The following PLA2R1 variants were observed in gnomAD, a reference collection of about 807,000 sequenced individuals.
PLA2R1 encodes phospholipase A2 receptor 1.
In PLA2R1, 158 loss-of-function variants were observed where a neutral mutation model predicts 195.9. The ratio of observed to expected loss-of-function variants is 0.81; its 90% CI spans 0.71 to 0.92. The LOEUF is 0.92. PLA2R1 is among the 40% of genes least tolerant of loss of function. The probability of loss-of-function intolerance (pLI) is 0.00; values close to 1 mark genes in which losing one functional copy is unlikely to be tolerated. For synonymous variants in PLA2R1, 586 were observed against 598.2 expected (o/e 0.98, Z 0.30); for missense variants, 1,626 against 1,764.6 (o/e 0.92, Z 1.41).
intron 3 of PLA2R1, among the ~76,000 whole-genome samples, chr2:160,038,542 G>A (rs1203968878): frequency 1.3e-5 from 2 of 152,140 alleles, no homozygotes; most frequent in African/African-American, 2.4e-5. Context: ...CATCATCCTC[G>A]CGCATAGAAG....
intron 2 of PLA2R1, among the ~76,000 whole-genome samples, chr2:160,043,270 A>C (rs1194656198): frequency 6.6e-6 from 1 of 152,056 alleles, no homozygotes; most frequent in Non-Finnish European, 1.5e-5. Context: ...GCAAAGGGGC[A>C]AACAGCTGAC....
intron 1 of PLA2R1, among the ~76,000 whole-genome samples, chr2:160,052,711 T>C (rs1269663915): frequency 6.6e-6 from 1 of 152,102 alleles, no homozygotes; most frequent in Non-Finnish European, 1.5e-5. Flanking sequence ...TGCCTGCATA[T>C]TAAAGCCCAG....
At chr2:160,053,499 C>G (rs558991973) in intron 1 of PLA2R1, among the ~76,000 whole-genome samples, 1 of 152,248 alleles carries the variant, frequency 6.6e-6, no homozygotes, top group Admixed American at 6.5e-5. Context: ...CTCAGGCCCA[C>G]AGGAGATTGC....
At chr2:160,017,852 T>C (rs905518347) in intron 8 of PLA2R1, among the ~76,000 whole-genome samples, 2 of 152,170 alleles carry the variant, frequency 1.3e-5, no homozygotes, top group Non-Finnish European at 2.9e-5. Context: ...CGTCCAGGGC[T>C]GATACCTTCA....
chr2:160,040,182 T>C (rs1573955045), intron 3 of PLA2R1, among the ~76,000 whole-genome samples: 2 of 152,066 alleles, frequency 1.3e-5, no homozygotes, highest in Non-Finnish European at 2.9e-5. Context: ...TAGATTCAAA[T>C]AGAGAAGGCT....
At chr2:160,018,633 AAAACAAAC>A (rs59379239) in intron 8 of PLA2R1, among the ~76,000 whole-genome samples, 102,731 of 150,486 alleles carry the variant, frequency 0.68, 36,024 homozygotes, top group East Asian at 0.87. Context: ...CTCTGTCTCA[AAAACAAAC>A]AAACAAACAA....
chr2:160,041,523 A>C (rs966178177), intron 3 of PLA2R1, among the ~76,000 whole-genome samples: 2 of 152,220 alleles, frequency 1.3e-5, no homozygotes, highest in Non-Finnish European at 2.9e-5. Context: ...CAAGACGAGA[A>C]TCCACTGTCA....
intron 14 of PLA2R1, among the ~76,000 whole-genome samples, chr2:159,977,717 C>T (rs763631252): frequency 1.3e-5 from 2 of 152,124 alleles, no homozygotes; most frequent in Non-Finnish European, 2.9e-5. Context: ...GTGGGCAGAT[C>T]ACAAGCTCAG....
In PLA2R1 at chr2:159,956,198, C is replaced by T. The variant is rs529406503; in HGVS notation, c.3022+312G>A. Among the ~76,000 whole-genome samples the T allele has an allele frequency of 2.1e-3, 315 of 152,200 alleles. 1 individual carries two copies. Among genetic ancestry groups the T allele is most frequent in the Non-Finnish European group, 3.6e-3 (243 of 68,016 alleles). ...AATGTAAAGGGATCTAAAAATCATA[C>T]CATGCAATTACATGTAGATCATACT... is the stretch of plus-strand genomic sequence containing the variant. On this transcript the variant is annotated intron_variant, in intron 21 of 29. Coordinates refer to ENST00000283243, the MANE Select transcript of PLA2R1 (RefSeq NM_007366.5).
chr2:159,965,745 T>A (rs1560154635), intron 20 of PLA2R1, among the ~76,000 whole-genome samples: 1 of 152,200 alleles, frequency 6.6e-6, no homozygotes, highest in Non-Finnish European at 1.5e-5. Context: ...GCCGTACCAT[T>A]CTGCATTCCC....
chr2:160,033,687 A>G (rs1242953956), intron 3 of PLA2R1, among the ~76,000 whole-genome samples: 1 of 152,270 alleles, frequency 6.6e-6, no homozygotes, highest in African/African-American at 2.4e-5. Context: ...AGCAAGATCC[A>G]CTTGTAAGAC....
intron 7 of PLA2R1, among the ~76,000 whole-genome samples, chr2:160,020,499 G>C (rs1035946550): frequency 6.6e-6 from 1 of 152,146 alleles, no homozygotes; most frequent in African/African-American, 2.4e-5. Context: ...CCCCAGTGTG[G>C]TAGTATTGAG....
intron 11 of PLA2R1, among the ~76,000 whole-genome samples, chr2:159,988,311 TA>T (rs1374775602): frequency 1.3e-5 from 2 of 151,316 alleles, no homozygotes; most frequent in Non-Finnish European, 2.9e-5. Context: ...TCAACAACAA[TA>T]AAAAATTGTA....
intron 3 of PLA2R1, among the ~76,000 whole-genome samples, chr2:160,034,336 G>C (rs961917848): frequency 6.6e-6 from 1 of 152,082 alleles, no homozygotes; most frequent in African/African-American, 2.4e-5. Flanking sequence ...TGTGTTTATA[G>C]AAGGATCCAA....
At chr2:159,956,768 C>T in intron 20 of PLA2R1, 141 bp from the exon 21 acceptor site, 1 of 606,508 alleles carries the variant, frequency 1.6e-6, no homozygotes, top group Admixed American at 2.7e-5. Context: ...CTTTCACCTC[C>T]TCCAAAGGTG....
intron 10 of PLA2R1, 114 bp downstream of exon 10, chr2:160,013,149 T>C: frequency 2.1e-6 from 1 of 477,132 alleles, no homozygotes; most frequent in Non-Finnish European, 3.8e-6. Flanking sequence ...ATTTAGTACT[T>C]TGATGTATAG....
intron 11 of PLA2R1, among the ~76,000 whole-genome samples, chr2:160,004,940 T>C (rs967071413): frequency 1.3e-5 from 2 of 152,202 alleles, no homozygotes; most frequent in African/African-American, 2.4e-5. Context: ...TGTGAACTGA[T>C]TGGATGTACC....
chr2:159,976,578 G>A (rs1297475249), intron 16 of PLA2R1, 107 bp downstream of exon 16: 3 of 736,526 alleles, frequency 4.1e-6, no homozygotes, highest in Non-Finnish European at 7.1e-6. Context: ...CACAAGAAAA[G>A]AGAGGCTCGA....
chr2:160,005,596 A>G, intron 11 of PLA2R1, 56 bp downstream of exon 11: 1 of 1,487,738 alleles, frequency 6.7e-7, no homozygotes, highest in South Asian at 1.2e-5. Flanking sequence ...AAGGGGTGGA[A>G]GGAATTTGGA....
Sources: gnomAD v4.1 joint callset for allele counts (sites outside exome capture counted in the v4.1 genomes callset) on GRCh38, gnomAD v4.1.1 for gene constraint, MANE v1.5 for transcripts, NCBI Gene and HGNC (gene_info 2026-07-23, HGNC 2026-07-21) for gene names.